Variants in TASP1 observed in about 807,000 individuals in gnomAD.
TASP1 encodes taspase 1.
TASP1 carries 16 observed loss-of-function variants against 56.6 expected under a neutral mutation model. The observed-to-expected ratio is 0.28, with a 90% CI of 0.19 to 0.43. The LOEUF (loss-of-function observed/expected upper bound fraction) is 0.43, where lower values mean the gene tolerates loss of function less well. Ranked by LOEUF, TASP1 falls within the 20% of genes least tolerant of loss-of-function variation. The pLI, the probability that TASP1 is intolerant of heterozygous loss-of-function variation, is 1.00. For missense variants in TASP1, 393 were observed against 511.6 expected (o/e 0.77, Z 2.24); for synonymous variants, 179 against 184.2 (o/e 0.97, Z 0.23).
At chr20:13,191,362 G>A in the TASP1 span, among the ~76,000 whole-genome samples, 1 of 152,222 alleles carries the variant, frequency 6.6e-6, no homozygotes, top group African/African-American at 2.4e-5. Flanking sequence ...CACATGAATG[G>A]ATGAGGAAAA....
intron 11 of TASP1, among the ~76,000 whole-genome samples, chr20:13,472,200 C>T (rs1167130278): frequency 6.6e-6 from 1 of 150,836 alleles, no homozygotes; most frequent in Non-Finnish European, 1.5e-5. Flanking sequence ...ACCATCTCAT[C>T]TTTGACAAAC....
At chr20:13,511,696 A>G (rs2044332237) in intron 10 of TASP1, among the ~76,000 whole-genome samples, 1 of 150,978 alleles carries the variant, frequency 6.6e-6, no homozygotes, top group Non-Finnish European at 1.5e-5. Context: ...GGTGTGCTGC[A>G]CCCCACCCAT....
At chr20:13,462,073 T>C (rs924714288) in intron 11 of TASP1, among the ~76,000 whole-genome samples, 5 of 152,100 alleles carry the variant, frequency 3.3e-5, no homozygotes, top group African/African-American at 2.4e-5. Context: ...AGCTGGCACA[T>C]AGGACCTCTG....
the TASP1 span, among the ~76,000 whole-genome samples, chr20:13,284,695 C>T: frequency 1.3e-5 from 2 of 152,208 alleles, no homozygotes. Flanking sequence ...GCTGTGAAAG[C>T]TTCAGGGGAG....
chr20:13,495,010 T>C (rs1446186904), intron 10 of TASP1, among the ~76,000 whole-genome samples: 1 of 151,360 alleles, frequency 6.6e-6, no homozygotes, highest in Non-Finnish European at 1.5e-5. Flanking sequence ...GCAGATGTCA[T>C]GTAAAATATT....
chr20:13,628,119 T>C (rs1442710943), intron 2 of TASP1, among the ~76,000 whole-genome samples: 1 of 152,242 alleles, frequency 6.6e-6, no homozygotes, highest in Non-Finnish European at 1.5e-5. Context: ...TCAAGCTTTG[T>C]GCATGAATAA....
intron 12 of TASP1, among the ~76,000 whole-genome samples, chr20:13,432,414 C>A (rs891251186): frequency 5.3e-5 from 8 of 152,182 alleles, no homozygotes; most frequent in African/African-American, 1.9e-4. Flanking sequence ...TAAAAGGTGA[C>A]TTTCACATCT....
chr20:13,182,145 C>T, the TASP1 span, among the ~76,000 whole-genome samples: 2 of 152,170 alleles, frequency 1.3e-5, no homozygotes, highest in Non-Finnish European at 2.9e-5. Flanking sequence ...CTAAGCCCTG[C>T]CTTTTCACAT....
chr20:13,350,209 A>C, the TASP1 span, among the ~76,000 whole-genome samples: 1 of 142,560 alleles, frequency 7.0e-6, no homozygotes, highest in South Asian at 2.2e-4. Context: ...TGTATAATAA[A>C]AACTCCAAAA....
intron 11 of TASP1, among the ~76,000 whole-genome samples, chr20:13,470,169 C>T (rs2044434461): frequency 6.6e-6 from 1 of 152,058 alleles, no homozygotes; most frequent in Admixed American, 6.6e-5. Flanking sequence ...ATCACTCTTC[C>T]TATTCTTCAA....
Position 13,528,520 on chromosome 20 carries a change from A to G in TASP1, c.796-9T>C. The G allele has an allele frequency of 1.2e-6, 2 of 1,601,150 alleles. No homozygotes were observed. On this transcript the variant is annotated splice_polypyrimidine_tract_variant and intron_variant, in intron 9 of 13. Transcript: ENST00000337743. The stretch of plus-strand genomic sequence containing the variant: ...CATCCATAAAGAGCAGCCTGGGGAA[A>G]AAAGAAAATAGATATAATATTTCAG...
At chr20:13,229,615 C>G in the TASP1 span, among the ~76,000 whole-genome samples, 5 of 152,086 alleles carry the variant, frequency 3.3e-5, no homozygotes, top group Non-Finnish European at 7.4e-5. Flanking sequence ...ATGAGTAAGA[C>G]CATGTTAGTA....
At chr20:13,565,892 T>A (rs890909512) in intron 7 of TASP1, among the ~76,000 whole-genome samples, 1 of 152,186 alleles carries the variant, frequency 6.6e-6, no homozygotes, top group Non-Finnish European at 1.5e-5. Context: ...GATATTTGCA[T>A]AGCCATGTTC....
rs148470469 is a variant in TASP1 at position 13,423,807 on chromosome 20, AC to A, written c.1097-6287del. Reference sequence around the variant, plus strand: ...TTTAATGCCTCTAAAAATCTTGATTACCCTGTTAACCTACAATATATATGAA... The same window carrying A: ...TTTAATGCCTCTAAAAATCTTGATTACCTGTTAACCTACAATATATATGAA... On this transcript the variant is annotated intron_variant, in intron 12 of 13. Coordinates refer to ENST00000337743, the MANE Select transcript of TASP1 (RefSeq NM_017714.3). Among the ~76,000 whole-genome samples the A allele has an allele frequency of 5.0e-3, 760 of 152,274 alleles. 4 individuals carry two copies. Among genetic ancestry groups the A allele is most frequent in the African/African-American group, 0.015 (618 of 41,542 alleles).
At chr20:13,453,298 A>C (rs922739570) in intron 11 of TASP1, among the ~76,000 whole-genome samples, 4 of 152,090 alleles carry the variant, frequency 2.6e-5, no homozygotes, top group African/African-American at 9.7e-5. Context: ...AAAGAGAAGA[A>C]TGGATGAGGG....
the TASP1 span, among the ~76,000 whole-genome samples, chr20:13,115,502 C>A: frequency 6.6e-6 from 1 of 151,452 alleles, no homozygotes. Flanking sequence ...AATTCAGTTC[C>A]AGAACAAAAA....
chr20:13,109,608 A>C, the TASP1 span, among the ~76,000 whole-genome samples: 2 of 152,180 alleles, frequency 1.3e-5, no homozygotes, highest in African/African-American at 2.4e-5. Context: ...AAAGAGGCTT[A>C]ATTGTCCCAC....
intron 13 of TASP1, chr20:13,393,734 T>C: frequency 2.6e-6 from 2 of 769,618 alleles, no homozygotes; most frequent in Non-Finnish European, 4.4e-6. Context: ...CCTCAGCTGC[T>C]GGGAGTCCCT....
chr20:13,462,604 T>C (rs1023487560), intron 11 of TASP1, among the ~76,000 whole-genome samples: 3 of 152,144 alleles, frequency 2.0e-5, no homozygotes, highest in African/African-American at 4.8e-5. Flanking sequence ...ACAAGAGATG[T>C]TGAGCTTATA....
Sources: gnomAD v4.1 joint callset for allele counts (sites outside exome capture counted in the v4.1 genomes callset) on GRCh38, gnomAD v4.1.1 for gene constraint, MANE v1.5 for transcripts, NCBI Gene and HGNC (gene_info 2026-07-23, HGNC 2026-07-21) for gene names.